Variants in AOPEP observed in about 807,000 individuals in gnomAD.
AOPEP encodes aminopeptidase O.
A neutral mutation model predicts 98.1 loss-of-function variants in AOPEP; 77 were observed. That is an observed-to-expected ratio of 0.78 (90% confidence interval 0.65 to 0.95). The LOEUF (loss-of-function observed/expected upper bound fraction) is 0.95, where lower values mean the gene tolerates loss of function less well. AOPEP is among the 40% of genes least tolerant of loss of function. AOPEP has a pLI of 0.00. For synonymous variants in AOPEP, 346 were observed against 365.3 expected (o/e 0.95, Z 0.60); for missense variants, 1,024 against 1,024.7 (o/e 1.00, Z 0.01).
chr9:94,905,049 A>G (rs1183468130), intron 5 of AOPEP, among the ~76,000 whole-genome samples: 3 of 152,212 alleles, frequency 2.0e-5, no homozygotes, highest in East Asian at 3.8e-4. Flanking sequence ...GACAGCATGA[A>G]TGGTTTGTCT....
At chr9:94,989,743 C>T (rs757616848) in intron 11 of AOPEP, among the ~76,000 whole-genome samples, 7 of 151,646 alleles carry the variant, frequency 4.6e-5, no homozygotes, top group Non-Finnish European at 1.0e-4. Flanking sequence ...TCCTGAGTAG[C>T]TGGGATTACA....
the AOPEP span, chr9:95,114,326 G>T: frequency 5.3e-5 from 21 of 399,168 alleles, no homozygotes; most frequent in African/African-American, 3.7e-4. Context: ...TTTTTCCAAG[G>T]CCTCTTCTTT....
the AOPEP span, among the ~76,000 whole-genome samples, chr9:95,096,634 G>A: frequency 1.3e-5 from 2 of 152,124 alleles, no homozygotes; most frequent in Admixed American, 6.5e-5. Context: ...GTCCAAGGGC[G>A]CCCACCAGGA....
Position 94,760,533 on chromosome 9 carries a change from T to C in AOPEP, c.750T>C (p.Thr250=). The C allele has an allele frequency of 1.3e-6, 2 of 1,580,534 alleles. No individual in the cohort carries two copies. The highest frequency in any genetic ancestry group is 2.2e-5 in the East Asian group (1 of 44,648). Residue 250 remains threonine (T), a synonymous_variant, in exon 2 of 17, where the codon ACT becomes ACC. Coordinates refer to ENST00000375315, the MANE Select transcript of AOPEP (RefSeq NM_001193329.3). ...FPHAIRIWYK[T]KPEGRSVTWT... Reference sequence around the variant, plus strand: ...ATGCTATCAGGATATGGTACAAAACTAAACCTGAAGGGCGATCGGTTACAT... The same window carrying C: ...ATGCTATCAGGATATGGTACAAAACCAAACCTGAAGGGCGATCGGTTACAT...
chr9:94,891,397 TA>T (rs2048863953), intron 5 of AOPEP, among the ~76,000 whole-genome samples: 1 of 152,236 alleles, frequency 6.6e-6, no homozygotes, highest in African/African-American at 2.4e-5. Context: ...AGGCCATTTA[TA>T]TTTAATGTAA....
chr9:95,034,789 T>G (rs2064637660), intron 13 of AOPEP, among the ~76,000 whole-genome samples: 1 of 152,188 alleles, frequency 6.6e-6, no homozygotes, highest in Non-Finnish European at 1.5e-5. Flanking sequence ...GGATCCTGGT[T>G]TGCTGATACA....
At chr9:95,141,556 C>T in the AOPEP span, among the ~76,000 whole-genome samples, 10 of 152,244 alleles carry the variant, frequency 6.6e-5, no homozygotes, top group South Asian at 1.9e-3. Flanking sequence ...GATTGTAGGT[C>T]GGCCCTTTCT....
intron 5 of AOPEP, among the ~76,000 whole-genome samples, chr9:94,903,410 CT>C (rs1245875132): frequency 1.3e-5 from 2 of 152,052 alleles, no homozygotes; most frequent in Non-Finnish European, 2.9e-5. Context: ...GCAAATGGAT[CT>C]GTGATAGCAG....
chr9:94,742,022 G>T (rs1440474088), intron 1 of AOPEP, among the ~76,000 whole-genome samples: 1 of 152,180 alleles, frequency 6.6e-6, no homozygotes, highest in African/African-American at 2.4e-5. Context: ...TATGTTTGTG[G>T]GGAGGGGCTG....
intron 10 of AOPEP, among the ~76,000 whole-genome samples, chr9:94,975,059 GTC>G (rs1251679308): frequency 6.6e-6 from 1 of 151,998 alleles, no homozygotes; most frequent in African/African-American, 2.4e-5. Flanking sequence ...GTGAGACCCC[GTC>G]TCTATAAAAA....
chr9:95,026,912 A>G (rs750100929), intron 13 of AOPEP, among the ~76,000 whole-genome samples: 8 of 152,240 alleles, frequency 5.3e-5, no homozygotes, highest in Admixed American at 1.3e-4. Flanking sequence ...TACAGAAGAA[A>G]GCTAGGAACT....
chr9:94,763,043 G>A (rs1393671388), intron 2 of AOPEP: 1 of 385,572 alleles, frequency 2.6e-6, no homozygotes, highest in Admixed American at 3.6e-5. Context: ...CTACATATTT[G>A]TTCCTGAATT....
chr9:95,055,886 C>T (rs1045423721), intron 13 of AOPEP, among the ~76,000 whole-genome samples: 6 of 152,106 alleles, frequency 3.9e-5, no homozygotes, highest in Non-Finnish European at 7.4e-5. Flanking sequence ...CCACCCCCAC[C>T]GTTTCTTCTG....
chr9:94,898,283 A>C (rs983038399), intron 5 of AOPEP, among the ~76,000 whole-genome samples: 1 of 152,166 alleles, frequency 6.6e-6, no homozygotes, highest in Non-Finnish European at 1.5e-5. Context: ...GGATATGTGC[A>C]TTCTGCTGCA....
At chr9:94,946,825 C>T (rs2057684322) in intron 7 of AOPEP, among the ~76,000 whole-genome samples, 1 of 152,130 alleles carries the variant, frequency 6.6e-6, no homozygotes, top group Non-Finnish European at 1.5e-5. Context: ...GACAACTGAA[C>T]TGAACACAGC....
At chr9:95,074,018 G>T (rs1587920221) in intron 14 of AOPEP, among the ~76,000 whole-genome samples, 1 of 152,236 alleles carries the variant, frequency 6.6e-6, no homozygotes, top group Non-Finnish European at 1.5e-5. Context: ...TGTTTGTACT[G>T]ACCATCACTC....
intron 5 of AOPEP, among the ~76,000 whole-genome samples, chr9:94,849,378 T>G (rs901064466): frequency 3.9e-5 from 6 of 152,182 alleles, no homozygotes; most frequent in African/African-American, 1.4e-4. Context: ...TCAATAAATA[T>G]TCATAGTAAA....
chr9:94,914,754 A>G (rs1049959180), intron 5 of AOPEP, among the ~76,000 whole-genome samples: 3 of 152,144 alleles, frequency 2.0e-5, no homozygotes, highest in East Asian at 1.9e-4. Context: ...GCAGCTCTCA[A>G]TGTGGTCTCT....
the AOPEP span, among the ~76,000 whole-genome samples, chr9:95,139,006 G>C: frequency 1.3e-5 from 2 of 152,196 alleles, no homozygotes; most frequent in African/African-American, 4.8e-5. Context: ...TAAAACCTCA[G>C]TGACTTAACT....
Sources: gnomAD v4.1 joint callset for allele counts (sites outside exome capture counted in the v4.1 genomes callset) on GRCh38, gnomAD v4.1.1 for gene constraint, MANE v1.5 for transcripts, NCBI Gene and HGNC (gene_info 2026-07-23, HGNC 2026-07-21) for gene names.